MACROD2: variants seen among roughly 807,000 people sequenced by gnomAD.
MACROD2 encodes mono-ADP ribosylhydrolase 2.
Under a neutral mutation model 70.4 loss-of-function variants are expected in MACROD2, and 36 were observed. The observed-to-expected ratio is 0.51, with a 90% CI of 0.39 to 0.68. MACROD2 has a LOEUF of 0.68. Among genes scored for constraint, MACROD2 ranks in the 30% least tolerant of loss-of-function variants. MACROD2 has a pLI of 0.00. For synonymous variants in MACROD2, 172 were observed against 178.8 expected, an observed-to-expected ratio of 0.96 and a Z score of 0.30; for missense variants, 496 against 538.4, an observed-to-expected ratio of 0.92 and a Z score of 0.78.
At chr20:14,783,348 A>T (rs1026043844) in intron 5 of MACROD2, among the ~76,000 whole-genome samples, 4 of 152,144 alleles carry the variant, frequency 2.6e-5, no homozygotes, top group African/African-American at 9.7e-5. Flanking sequence ...AGAAATTAAT[A>T]TGCTGTCATC....
chr20:14,340,965 C>CA (rs1216409548), intron 3 of MACROD2, among the ~76,000 whole-genome samples: 5 of 151,894 alleles, frequency 3.3e-5, no homozygotes, highest in Non-Finnish European at 5.9e-5. Flanking sequence ...TATATCCAGA[C>CA]AAAAAAATGA....
chr20:15,098,959 GACTT>G (rs1336719194), intron 5 of MACROD2, among the ~76,000 whole-genome samples: 1 of 152,214 alleles, frequency 6.6e-6, no homozygotes, highest in Non-Finnish European at 1.5e-5. Flanking sequence ...TCATTTTAGA[GACTT>G]ACAAGTTTGC....
At chr20:15,987,246 C>A in intron 15 of MACROD2, 88 bp downstream of exon 15, 1 of 1,077,826 alleles carries the variant, frequency 9.3e-7, no homozygotes, top group Non-Finnish European at 1.4e-6. Context: ...TATTCTCATG[C>A]AATTACAGTT....
chr20:14,529,380 G>A lies in MACROD2; in HGVS notation c.301+35872G>A, dbSNP rs187175989. 1.8e-3 allele frequency among the ~76,000 whole-genome samples: 278 copies of A among 152,264 alleles called. 1 individual carries two copies. The highest frequency in any genetic ancestry group is 6.4e-3 in the African/African-American group (267 of 41,540). ...TGCCACACTTAGTGTATTGGCTTTT[G>A]TCTTCAGGGTTTTCACCTCGTGTTT... On this transcript the variant is annotated intron_variant, in intron 4 of 17. Transcript: ENST00000684519.
chr20:15,818,623 C>G (rs892577543), intron 8 of MACROD2, among the ~76,000 whole-genome samples: 1 of 152,122 alleles, frequency 6.6e-6, no homozygotes, highest in African/African-American at 2.4e-5. Context: ...CCTCTTATCT[C>G]ATCCTGTGAT....
At chr20:15,298,868 T>C (rs1482885286) in intron 6 of MACROD2, among the ~76,000 whole-genome samples, 2 of 152,148 alleles carry the variant, frequency 1.3e-5, no homozygotes, top group African/African-American at 4.8e-5. Context: ...CAATGTATTA[T>C]TATCCTCATT....
rs565263611 is a variant in MACROD2 at position 15,084,877 on chromosome 20, T to C, written c.419-145063T>C. On this transcript the variant is annotated intron_variant, in intron 5 of 17. Transcript: ENST00000684519. ...GACCTACAGATTCAATGCAATACTT[T>C]TCAAAATCCTGCTGGCTTTGGAGAA... Among the ~76,000 whole-genome samples, 17 of 152,260 alleles carry C rather than the reference T, an allele frequency of 1.1e-4. No individual in the cohort carries two copies. In the South Asian group the frequency reaches 2.5e-3, roughly 22 times the overall value.
intron 5 of MACROD2, among the ~76,000 whole-genome samples, chr20:14,898,090 A>G (rs1302505011): frequency 1.3e-5 from 2 of 152,212 alleles, no homozygotes; most frequent in African/African-American, 4.8e-5. Context: ...CCAACACTTT[A>G]TAAAAATCTT....
At chr20:14,340,104 G>T (rs188927516) in intron 3 of MACROD2, among the ~76,000 whole-genome samples, 41 of 152,320 alleles carry the variant, frequency 2.7e-4, no homozygotes, top group African/African-American at 9.6e-4. Flanking sequence ...ACAATAAGGG[G>T]ATGACTGTTT....
chr20:15,015,096 C>T (rs867363355), intron 5 of MACROD2, among the ~76,000 whole-genome samples: 2 of 152,072 alleles, frequency 1.3e-5, no homozygotes, highest in East Asian at 1.9e-4. Context: ...GTACTAATCT[C>T]AGCAGTATAA....
intron 5 of MACROD2, among the ~76,000 whole-genome samples, chr20:15,091,771 A>G (rs1302011809): frequency 2.0e-5 from 3 of 152,156 alleles, no homozygotes; most frequent in African/African-American, 7.2e-5. Flanking sequence ...TAAAGAAAGT[A>G]ATGTGGCTGA....
intron 8 of MACROD2, among the ~76,000 whole-genome samples, chr20:15,716,912 G>A (rs1015773789): frequency 6.6e-6 from 1 of 152,118 alleles, no homozygotes; most frequent in African/African-American, 2.4e-5. Flanking sequence ...CTCTGTTGGC[G>A]ACAATGTTAT....
At chr20:14,572,389 T>G (rs1463479756) in intron 4 of MACROD2, among the ~76,000 whole-genome samples, 2 of 152,112 alleles carry the variant, frequency 1.3e-5, no homozygotes, top group Admixed American at 1.3e-4. Flanking sequence ...AAGCTGAACA[T>G]ATACCTATAC....
chr20:14,658,478 G>T (rs1267686404), intron 4 of MACROD2, among the ~76,000 whole-genome samples: 1 of 152,198 alleles, frequency 6.6e-6, no homozygotes, highest in African/African-American at 2.4e-5. Flanking sequence ...GAGGGTCAGA[G>T]CCCTTGCTCT....
chr20:15,816,265 A>G (rs1334997103), intron 8 of MACROD2, among the ~76,000 whole-genome samples: 2 of 152,068 alleles, frequency 1.3e-5, no homozygotes, highest in African/African-American at 4.8e-5. Flanking sequence ...CACTTAGCAA[A>G]TAATGTTTTC....
At chr20:15,431,148 A>T (rs1048217653) in intron 6 of MACROD2, among the ~76,000 whole-genome samples, 2 of 152,084 alleles carry the variant, frequency 1.3e-5, no homozygotes, top group East Asian at 3.8e-4. Context: ...TAATTTCTTA[A>T]TAATAACTTT....
intron 3 of MACROD2, among the ~76,000 whole-genome samples, chr20:14,417,261 A>C (rs539158752): frequency 6.6e-6 from 1 of 152,322 alleles, no homozygotes; most frequent in Non-Finnish European, 1.5e-5. Context: ...ATATTTATTC[A>C]ATACAAAAAG....
intron 6 of MACROD2, among the ~76,000 whole-genome samples, chr20:15,296,008 C>T (rs958631923): frequency 3.9e-5 from 6 of 152,212 alleles, no homozygotes; most frequent in African/African-American, 1.4e-4. Flanking sequence ...AAGCTTTTGT[C>T]TCCTGGCAGT....
At position 16,049,881 on chromosome 20, in the gene MACROD2, C is replaced by G. The variant is rs866240821; in HGVS notation, c.*5C>G. 1 of 1,604,476 alleles carries G rather than the reference C, an allele frequency of 6.2e-7. No homozygotes were observed. Among genetic ancestry groups the G allele is most frequent in the Admixed American group, 1.7e-5 (1 of 59,466 alleles). ...CAAAGAAATGGAACTAAATGACAAT[C>G]CTCAGCATCGCAAGGCCTCTCCTGG... On this transcript the variant is annotated 3_prime_UTR_variant, in exon 18 of 18. Transcript: ENST00000684519.
Sources: allele counts gnomAD v4.1 joint callset (sites outside exome capture counted in the v4.1 genomes callset), GRCh38; gene constraint gnomAD v4.1.1; transcripts MANE v1.5; gene names NCBI Gene and HGNC (gene_info 2026-07-23, HGNC 2026-07-21).